The following QTMAN variants were observed in gnomAD, a reference collection of about 807,000 sequenced individuals.
QTMAN encodes the protein queuosine-tRNA mannosyltransferase, also known as tRNA-queuosine alpha-mannosyltransferase.
the QTMAN span, among the ~76,000 whole-genome samples, chr2:144,068,267 A>C: frequency 1.3e-5 from 2 of 152,212 alleles, no homozygotes; most frequent in East Asian, 1.9e-4. Context: ...CAATCAGCTA[A>C]ACCTACAGTA....
chr2:144,161,954 T>G, the QTMAN span, among the ~76,000 whole-genome samples: 3 of 152,242 alleles, frequency 2.0e-5, no homozygotes, highest in Non-Finnish European at 4.4e-5. Flanking sequence ...GTTACAGTGA[T>G]GTTAAACCTA....
At chr2:143,951,641 A>T in the QTMAN span, among the ~76,000 whole-genome samples, 1 of 151,558 alleles carries the variant, frequency 6.6e-6, no homozygotes, top group African/African-American at 2.4e-5. Flanking sequence ...TCATTAGTAT[A>T]ATTGTAGAAT....
the QTMAN span, among the ~76,000 whole-genome samples, chr2:144,303,565 T>C: frequency 6.6e-6 from 1 of 152,242 alleles, no homozygotes; most frequent in South Asian, 2.1e-4. Flanking sequence ...AAGAAAAGGG[T>C]GGAAAATGTT....
At chr2:144,298,908 T>G in the QTMAN span, among the ~76,000 whole-genome samples, 1 of 152,214 alleles carries the variant, frequency 6.6e-6, no homozygotes, top group Non-Finnish European at 1.5e-5. Context: ...CTCTCTCTGC[T>G]AAAAGCTCTT....
chr2:144,271,489 G>A, the QTMAN span, among the ~76,000 whole-genome samples: 2 of 152,272 alleles, frequency 1.3e-5, no homozygotes, highest in African/African-American at 4.8e-5. Flanking sequence ...TCAGAGAACA[G>A]TCTTAAAGCC....
chr2:144,314,805 T>C, the QTMAN span, among the ~76,000 whole-genome samples: 38 of 152,234 alleles, frequency 2.5e-4, no homozygotes, highest in African/African-American at 9.2e-4. Flanking sequence ...AACATGGGTG[T>C]ACACACATGT....
At chr2:144,053,909 C>G in the QTMAN span, among the ~76,000 whole-genome samples, 1 of 152,172 alleles carries the variant, frequency 6.6e-6, no homozygotes, top group Non-Finnish European at 1.5e-5. Flanking sequence ...AAAACCTGGC[C>G]GGGCGTGGTG....
At chr2:144,133,411 T>TAA in the QTMAN span, among the ~76,000 whole-genome samples, 1 of 56,044 alleles carries the variant, frequency 1.8e-5, no homozygotes, top group African/African-American at 9.2e-5. Flanking sequence ...ATATAATATA[T>TAA]TATATATAAT....
At chr2:144,201,155 G>GA in the QTMAN span, among the ~76,000 whole-genome samples, 2 of 152,300 alleles carry the variant, frequency 1.3e-5, no homozygotes, top group Admixed American at 1.3e-4. Flanking sequence ...TACAGAGGCA[G>GA]AAAAAGAGTG....
chr2:144,255,196 A>G, the QTMAN span, among the ~76,000 whole-genome samples: 2 of 152,110 alleles, frequency 1.3e-5, no homozygotes, highest in African/African-American at 4.8e-5. Context: ...GCAAAATGAT[A>G]TGATTTGGCT....
the QTMAN span, among the ~76,000 whole-genome samples, chr2:144,015,225 C>T: frequency 6.6e-6 from 1 of 152,142 alleles, no homozygotes; most frequent in Admixed American, 6.5e-5. Context: ...CTCACGATCC[C>T]CACTCCCCCC....
chr2:143,993,869 A>C, the QTMAN span, among the ~76,000 whole-genome samples: 1 of 152,210 alleles, frequency 6.6e-6, no homozygotes, highest in African/African-American at 2.4e-5. Context: ...TACCACTCAT[A>C]AACAGGAGTA....
the QTMAN span, among the ~76,000 whole-genome samples, chr2:144,271,090 C>T: frequency 6.6e-5 from 10 of 152,072 alleles, no homozygotes; most frequent in African/African-American, 2.4e-4. Context: ...GTTTTTTCCC[C>T]CAGTAAAACA....
At chr2:143,938,438 A>T in the QTMAN span, 1 of 152,154 alleles carries the variant, frequency 6.6e-6, no homozygotes, top group Non-Finnish European at 1.5e-5. Flanking sequence ...AAATTAAAGG[A>T]TCACCCTGAG....
At chr2:144,214,822 A>T in the QTMAN span, among the ~76,000 whole-genome samples, 1,049 of 152,340 alleles carry the variant, frequency 6.9e-3, 7 homozygotes, top group Middle Eastern at 0.01. Flanking sequence ...CAATTATATG[A>T]ATTGCAATGA....
the QTMAN span, among the ~76,000 whole-genome samples, chr2:144,291,838 T>C: frequency 4.6e-5 from 7 of 152,200 alleles, no homozygotes; most frequent in African/African-American, 7.2e-5. Flanking sequence ...GTCTGAATCA[T>C]TAAAATAGTC....
At chr2:144,301,398 C>T in the QTMAN span, among the ~76,000 whole-genome samples, 1 of 152,054 alleles carries the variant, frequency 6.6e-6, no homozygotes, top group South Asian at 2.1e-4. Context: ...ACTTTTTGTA[C>T]TTTTAGTAGA....
At chr2:144,190,561 G>A in the QTMAN span, among the ~76,000 whole-genome samples, 1 of 152,104 alleles carries the variant, frequency 6.6e-6, no homozygotes, top group African/African-American at 2.4e-5. Context: ...GAAACCAAGT[G>A]CCTTTTATAA....
chr2:143,948,639 T>A, the QTMAN span, among the ~76,000 whole-genome samples: 2 of 152,110 alleles, frequency 1.3e-5, no homozygotes, highest in Admixed American at 6.6e-5. Flanking sequence ...AATATAATGA[T>A]CAGGGTTCTC....
Sources: allele counts gnomAD v4.1 joint callset (sites outside exome capture counted in the v4.1 genomes callset), GRCh38; gene constraint gnomAD v4.1.1; transcripts MANE v1.5; gene names NCBI Gene and HGNC (gene_info 2026-07-23, HGNC 2026-07-21).